Variants in MYO5B observed in about 807,000 individuals in gnomAD.
The protein encoded by MYO5B is myosin VB.
A neutral mutation model predicts 229.3 loss-of-function variants in MYO5B; 143 were observed. The ratio of observed to expected loss-of-function variants is 0.62; its 90% confidence interval spans 0.54 to 0.72. MYO5B has a LOEUF of 0.72. MYO5B is among the 30% of genes least tolerant of loss of function. The pLI is 0.00. For synonymous variants in MYO5B, 918 were observed against 885.2 expected (o/e 1.04, Z -0.66); for missense variants, 2,321 against 2,331.0 (o/e 1.00, Z 0.09).
Position 50,066,997 on chromosome 18 carries a change from C to CA in MYO5B, c.28-11620dup, listed in dbSNP as rs530599125. 9.2e-5 allele frequency among the ~76,000 whole-genome samples: 14 copies of CA among 152,306 alleles called. No homozygotes were observed. The South Asian group carries it at 2.1e-3, about 23-fold the overall frequency. On this transcript the variant is annotated intron_variant, in intron 1 of 39. Transcript: ENST00000285039. ...GCAGCTTTATCCTGAAATGTCCTTT[C>CA]ATGTCCAGTTGAAAACTGTGTCTGC...
At chr18:50,052,438 A>G (rs939800933) in intron 2 of MYO5B, among the ~76,000 whole-genome samples, 12 of 149,902 alleles carry the variant, frequency 8.0e-5, no homozygotes, top group African/African-American at 2.2e-4. Context: ...CATCATTCTC[A>G]GTAAACTATC....
At position 49,880,629 on chromosome 18, in the gene MYO5B, T is replaced by C. The variant is rs149200167; in HGVS notation, c.3046-174A>G. On this transcript the variant is annotated intron_variant, in intron 22 of 39. Transcript: ENST00000285039. ...ATTGTGTACTGAAAGAAAAATCCCA[T>C]TAAAACAAGACAGATGAGCTCAGCA... 9 of 651,886 alleles carry C rather than the reference T, an allele frequency of 1.4e-5. 1 individual carries two copies. The highest frequency in any genetic ancestry group is 1.3e-4 in the African/African-American group (7 of 55,680). 40.4% of individuals were successfully genotyped at this position (651,886 alleles called of 1,614,324 possible).
rs560368806 is a variant in MYO5B, at chr18:50,008,214, C to T, written c.456-6803G>A. ...ACATCACTTCTCTAGAAGGCCCCCA[C>T]CACCCACCTTTAACCATCCTACCTT... On this transcript the variant is annotated intron_variant, in intron 4 of 39. Transcript: ENST00000285039. Among the ~76,000 whole-genome samples the T allele has an allele frequency of 3.3e-5, 5 of 152,298 alleles. No individual in the cohort carries two copies. The East Asian group carries it at 7.7e-4, about 24-fold the overall frequency.
At chr18:50,037,385 G>C (rs767353579) in intron 3 of MYO5B, among the ~76,000 whole-genome samples, 3 of 152,180 alleles carry the variant, frequency 2.0e-5, no homozygotes, top group African/African-American at 7.2e-5. Flanking sequence ...TCTGGGAAAG[G>C]ATTATACATT....
chr18:49,964,125 T>C (rs1226189790), intron 10 of MYO5B, among the ~76,000 whole-genome samples: 1 of 152,216 alleles, frequency 6.6e-6, no homozygotes, highest in Non-Finnish European at 1.5e-5. Flanking sequence ...GATGCTAACC[T>C]AAAGAAATTA....
chr18:49,931,244 C>A (rs1268311408), intron 16 of MYO5B, among the ~76,000 whole-genome samples: 1 of 152,140 alleles, frequency 6.6e-6, no homozygotes, highest in Non-Finnish European at 1.5e-5. Context: ...CTGCAAGATG[C>A]CACCTCAACC....
At chr18:50,053,524 A>AT (rs200283921) in intron 2 of MYO5B, among the ~76,000 whole-genome samples, 34 of 151,240 alleles carry the variant, frequency 2.2e-4, no homozygotes, top group Admixed American at 4.0e-4. Flanking sequence ...GACTAATTTC[A>AT]TTTTTTTTTC....
intron 1 of MYO5B, among the ~76,000 whole-genome samples, chr18:50,069,861 A>G (rs753128897): frequency 2.6e-5 from 4 of 152,054 alleles, no homozygotes; most frequent in Non-Finnish European, 4.4e-5. Flanking sequence ...AGTTCCAACC[A>G]ATCACCAAGA....
At chr18:49,898,647 A>C (rs1406039755) in intron 21 of MYO5B, among the ~76,000 whole-genome samples, 1 of 152,170 alleles carries the variant, frequency 6.6e-6, no homozygotes. Context: ...CCACAGGAAA[A>C]ACAAGTCAGC....
At chr18:49,840,250 A>G (rs1025640049) in intron 35 of MYO5B, 1 of 152,230 alleles carries the variant, frequency 6.6e-6, no homozygotes, top group Non-Finnish European at 1.5e-5. Flanking sequence ...ATAACATTAC[A>G]TGTAGTTCTA....
intron 1 of MYO5B, among the ~76,000 whole-genome samples, chr18:50,093,791 A>G (rs751810177): frequency 6.6e-6 from 1 of 152,128 alleles, no homozygotes; most frequent in Non-Finnish European, 1.5e-5. Flanking sequence ...AAAAAGAAAA[A>G]GAAAGACACT....
intron 12 of MYO5B, 68 bp downstream of exon 12, chr18:49,962,198 A>G: frequency 6.2e-7 from 1 of 1,600,230 alleles, no homozygotes; most frequent in Non-Finnish European, 8.6e-7. Context: ...CACCTTTGAG[A>G]TCTTATGTGA....
intron 17 of MYO5B, among the ~76,000 whole-genome samples, chr18:49,927,960 C>T (rs913576105): frequency 2.6e-5 from 4 of 152,174 alleles, no homozygotes; most frequent in Admixed American, 6.5e-5. Context: ...AGACAACCCA[C>T]GGAGTGGGAG....
At chr18:49,849,897 A>C in intron 31 of MYO5B, 2 of 532,026 alleles carry the variant, frequency 3.8e-6, no homozygotes, top group Non-Finnish European at 6.8e-6. Context: ...GACTCCTCCC[A>C]GGTCAGGCTC....
At chr18:50,120,546 C>T (rs889645895) in intron 1 of MYO5B, among the ~76,000 whole-genome samples, 4 of 152,162 alleles carry the variant, frequency 2.6e-5, no homozygotes, top group Admixed American at 6.5e-5. Flanking sequence ...ATTTGTCTAC[C>T]GTCCTCAGCC....
chr18:49,856,783 C>T (rs574615784), intron 30 of MYO5B, 30 bp downstream of exon 30: 2 of 1,585,954 alleles, frequency 1.3e-6, no homozygotes, highest in Non-Finnish European at 1.7e-6. Flanking sequence ...ACGGACAAAG[C>T]AGACACAGGA....
chr18:49,975,155 C>A (rs1208753517), intron 9 of MYO5B, among the ~76,000 whole-genome samples: 2 of 152,230 alleles, frequency 1.3e-5, no homozygotes, highest in African/African-American at 4.8e-5. Flanking sequence ...TCTTAGAATT[C>A]CTCCCTTACA....
chr18:49,868,412 T>C (rs763870614), intron 27 of MYO5B, among the ~76,000 whole-genome samples: 16 of 152,186 alleles, frequency 1.1e-4, no homozygotes, highest in Non-Finnish European at 1.9e-4. Context: ...TCAGTTGAGG[T>C]GAAAAGTGTT....
At chr18:49,993,958 C>T (rs1043198483) in intron 5 of MYO5B, among the ~76,000 whole-genome samples, 2 of 152,160 alleles carry the variant, frequency 1.3e-5, no homozygotes, top group Non-Finnish European at 2.9e-5. Flanking sequence ...GCCCTTGGTC[C>T]CGGCTTCTAA....
Sources: gnomAD v4.1 joint callset for allele counts (sites outside exome capture counted in the v4.1 genomes callset) on GRCh38, gnomAD v4.1.1 for gene constraint, MANE v1.5 for transcripts, NCBI Gene and HGNC (gene_info 2026-07-23, HGNC 2026-07-21) for gene names.